The following DACH2 variants were observed in gnomAD, a reference collection of about 807,000 sequenced individuals.
DACH2 encodes dachshund family transcription factor 2.
In DACH2, 17 loss-of-function variants were observed where a neutral mutation model predicts 35.8. The observed-to-expected ratio is 0.48, with a 90% CI of 0.33 to 0.71. The LOEUF (loss-of-function observed/expected upper bound fraction) is 0.71. Among genes scored for constraint, DACH2 ranks in the 30% least tolerant of loss-of-function variants. The pLI, the probability that DACH2 is intolerant of heterozygous loss-of-function variation, is 0.02. For synonymous variants in DACH2, 195 were observed against 177.3 expected (o/e 1.10, Z -0.79); for missense variants, 469 against 472.7 (o/e 0.99, Z 0.07).
intron 3 of DACH2, among the ~76,000 whole-genome samples, chrX:86,598,018 G>A (rs1342324495): frequency 9.0e-6 from 1 of 111,388 alleles, no homozygotes; most frequent in Non-Finnish European, 1.9e-5. Context: ...AGAGAAGGGA[G>A]CCTGTGCAAG....
At chrX:86,383,237 G>GT (rs776335025) in intron 2 of DACH2, among the ~76,000 whole-genome samples, 1 of 109,836 alleles carries the variant, frequency 9.1e-6, no homozygotes, top group South Asian at 3.9e-4. Context: ...ATTTCACCAA[G>GT]TAACTGACAA....
At chrX:86,232,677 A>G (rs1342924206) in intron 1 of DACH2, among the ~76,000 whole-genome samples, 2 of 112,166 alleles carry the variant, frequency 1.8e-5, no homozygotes, top group African/African-American at 6.5e-5. Flanking sequence ...CTTAAAAAGT[A>G]AACAAACAAA....
chrX:86,691,344 A>G (rs2041007884), intron 4 of DACH2, among the ~76,000 whole-genome samples: 1 of 111,657 alleles, frequency 9.0e-6, no homozygotes, highest in Non-Finnish European at 1.9e-5. Flanking sequence ...TTTTAAAATA[A>G]AGAATCTAAC....
At chrX:86,571,447 C>T (rs1202179013) in intron 3 of DACH2, among the ~76,000 whole-genome samples, 1 of 109,623 alleles carries the variant, frequency 9.1e-6, no homozygotes, top group African/African-American at 3.3e-5. Context: ...TCCCTCCCCG[C>T]TCCCCCCACC....
intron 4 of DACH2, among the ~76,000 whole-genome samples, chrX:86,676,394 G>C (rs1194627484): frequency 9.0e-6 from 1 of 111,189 alleles, no homozygotes; most frequent in African/African-American, 3.3e-5. Flanking sequence ...TAAACTAAAG[G>C]CTCTGTCTTT....
At chrX:86,563,032 A>G (rs968031752) in intron 3 of DACH2, among the ~76,000 whole-genome samples, 2 of 111,048 alleles carry the variant, frequency 1.8e-5, no homozygotes, top group Non-Finnish European at 1.9e-5. Flanking sequence ...TCATGACTAT[A>G]TTTTGCTGCA....
intron 1 of DACH2, among the ~76,000 whole-genome samples, chrX:86,213,357 C>T (rs767707126): frequency 7.2e-5 from 8 of 110,816 alleles, no homozygotes; most frequent in Admixed American, 2.9e-4. Flanking sequence ...AATTTTGAGT[C>T]GTCCGTTTTT....
intron 3 of DACH2, among the ~76,000 whole-genome samples, chrX:86,527,436 G>T (rs1167497455): frequency 1.8e-5 from 2 of 111,957 alleles, no homozygotes; most frequent in African/African-American, 3.2e-5. Flanking sequence ...TATATAAAGA[G>T]ATTATGTAGA....
chrX:86,676,488 A>G (rs1430569855), intron 4 of DACH2, among the ~76,000 whole-genome samples: 1 of 111,784 alleles, frequency 8.9e-6, no homozygotes, highest in Non-Finnish European at 1.9e-5. Flanking sequence ...ACTCTGAAAT[A>G]CAGACCAGCA....
At chrX:86,555,234 A>G (rs769425781) in intron 3 of DACH2, among the ~76,000 whole-genome samples, 1 of 111,943 alleles carries the variant, frequency 8.9e-6, no homozygotes, top group South Asian at 3.7e-4. Context: ...CATACTGAAA[A>G]CATTTTATTA....
At chrX:86,243,747 G>C (rs1281783752) in intron 1 of DACH2, among the ~76,000 whole-genome samples, 2 of 111,988 alleles carry the variant, frequency 1.8e-5, no homozygotes, top group African/African-American at 3.2e-5. Context: ...AGAACATACT[G>C]TCAGTAAAGC....
chrX:86,387,197 T>C (rs1176989036), intron 2 of DACH2, among the ~76,000 whole-genome samples: 1 of 111,517 alleles, frequency 9.0e-6, no homozygotes, highest in Non-Finnish European at 1.9e-5. Flanking sequence ...GGGATCATTT[T>C]ATTTTTCTCA....
intron 1 of DACH2, among the ~76,000 whole-genome samples, chrX:86,239,146 GC>G (rs1030279595): frequency 1.8e-5 from 2 of 111,959 alleles, no homozygotes; most frequent in Admixed American, 9.4e-5. Context: ...AGTATTATTT[GC>G]TTTGATGGGA....
chrX:86,398,077 G>A (rs1432902753), intron 2 of DACH2, among the ~76,000 whole-genome samples: 2 of 111,921 alleles, frequency 1.8e-5, no homozygotes, highest in Non-Finnish European at 3.8e-5. Context: ...CCTGTTATTG[G>A]TCTATTCAGA....
intron 3 of DACH2, among the ~76,000 whole-genome samples, chrX:86,598,364 C>G (rs1391041037): frequency 2.7e-5 from 3 of 111,865 alleles, no homozygotes; most frequent in Non-Finnish European, 5.6e-5. Context: ...TAGCATCGTT[C>G]TCTTTGACTG....
chrX:86,445,378 G>A (rs1371698654), intron 2 of DACH2, among the ~76,000 whole-genome samples: 1 of 63,570 alleles, frequency 1.6e-5, no homozygotes, highest in Non-Finnish European at 2.8e-5. Flanking sequence ...GGAGGGGGGA[G>A]GGATAGCATT....
Position 86,514,316 on chromosome X carries a change from G to T in DACH2, c.565G>T (p.Val189Leu). 8.3e-7 allele frequency: 1 copy of T among 1,211,528 alleles called. No homozygotes were observed. The highest frequency in any genetic ancestry group is 1.8e-5 in the South Asian group (1 of 56,885). The change falls in exon 3 of 12, where the codon GTG becomes TTG. Residue 189 changes from valine (V) to leucine (L), a missense_variant. Transcript: ENST00000373125. ...CAGGCCCCCTAAGCGTTCTTTGGGA[G>T]TGTTGCAGGAAAATGCCCGCCTTCT... ...PGRPPKRSLGVLQENARLLTH... is the reference protein window; with the variant it reads ...PGRPPKRSLGLLQENARLLTH...
intron 1 of DACH2, among the ~76,000 whole-genome samples, chrX:86,226,411 A>G (rs2032824632): frequency 2.7e-5 from 3 of 111,331 alleles, no homozygotes; most frequent in African/African-American, 9.8e-5. Flanking sequence ...TGAAAAAAAA[A>G]GTGTCATATC....
intron 4 of DACH2, among the ~76,000 whole-genome samples, chrX:86,694,742 G>A (rs928417678): frequency 9.0e-6 from 1 of 111,712 alleles, no homozygotes; most frequent in East Asian, 2.8e-4. Flanking sequence ...CAACATGTAA[G>A]TGCTTCTAAA....
Sources: allele counts gnomAD v4.1 joint callset (sites outside exome capture counted in the v4.1 genomes callset), GRCh38; gene constraint gnomAD v4.1.1; transcripts MANE v1.5; gene names NCBI Gene and HGNC (gene_info 2026-07-23, HGNC 2026-07-21).